CTTN: variants seen among roughly 807,000 people sequenced by gnomAD.
CTTN encodes src substrate cortactin.
In CTTN, 28 loss-of-function variants were observed where a neutral mutation model predicts 84.0. The observed-to-expected ratio is 0.33, with a 90% confidence interval of 0.25 to 0.46. The LOEUF (loss-of-function observed/expected upper bound fraction) is 0.46. Ranked by LOEUF, CTTN falls within the 20% of genes least tolerant of loss-of-function variation. The pLI is 1.00. For synonymous variants in CTTN, 301 were observed against 288.8 expected (o/e 1.04, Z -0.43); for missense variants, 641 against 723.8 (o/e 0.89, Z 1.31).
chr11:70,435,448 TTGAC>T lies in CTTN; in HGVS notation c.*289_*292del, dbSNP rs918634334. 2.0e-6 allele frequency: 3 copies of T among 1,512,850 alleles called. No individual in the cohort carries two copies. The highest frequency in any genetic ancestry group is 1.4e-5 in the African/African-American group (1 of 70,904). 93.7% of individuals were successfully genotyped at this position (1,512,850 alleles called of 1,614,324 possible). On this transcript the variant is annotated 3_prime_UTR_variant, in exon 18 of 18. Coordinates refer to ENST00000301843, the MANE Select transcript of CTTN (RefSeq NM_005231.4). ...GGTTTTTTTTTTCTTTTTTGCCAAA[TTGAC>T]TGTCACGCGGCAGCTTCAGGGAGCT...
At chr11:70,407,682 C>A in intron 4 of CTTN, 91 bp downstream of exon 4, 1 of 1,195,318 alleles carries the variant, frequency 8.4e-7, no homozygotes, top group Non-Finnish European at 1.2e-6. Context: ...GGAGGGACAG[C>A]CCGTGTGGAA....
Position 70,433,629 on chromosome 11 carries a change from G to T in CTTN, c.1445-18G>T. ...GTGGGACTTTGTATTGTTCAGCTCT[G>T]TCATGGCTTTCTTTTAGAGGACAGC... On this transcript the variant is annotated intron_variant, in intron 16 of 17. Coordinates refer to ENST00000301843, the MANE Select transcript of CTTN (RefSeq NM_005231.4). 6.3e-7 allele frequency: 1 copy of T among 1,584,000 alleles called. No individual in the cohort carries two copies. The highest frequency in any genetic ancestry group is 8.7e-7 in the Non-Finnish European group (1 of 1,152,960).
intron 7 of CTTN, 193 bp downstream of exon 7, chr11:70,415,910 G>A (rs1177629634): frequency 1.1e-5 from 7 of 612,578 alleles, no homozygotes; most frequent in Admixed American, 5.8e-5. Flanking sequence ...TGGATCATCT[G>A]GATACCACAT....
chr11:70,402,539 C>G (rs1184941346), intron 1 of CTTN, among the ~76,000 whole-genome samples: 1 of 152,236 alleles, frequency 6.6e-6, no homozygotes, highest in Non-Finnish European at 1.5e-5. Context: ...TCTTTTGTCT[C>G]TGTAGATTTG....
At chr11:70,416,571 A>G (rs889531929) in intron 7 of CTTN, among the ~76,000 whole-genome samples, 2 of 151,986 alleles carry the variant, frequency 1.3e-5, no homozygotes, top group Non-Finnish European at 2.9e-5. Context: ...AGCTGGGATT[A>G]CAGGTGTGTG....
At chr11:70,430,773 C>G (rs2058345775) in intron 14 of CTTN, among the ~76,000 whole-genome samples, 1 of 152,228 alleles carries the variant, frequency 6.6e-6, no homozygotes, top group African/African-American at 2.4e-5. Flanking sequence ...ACTCAGACTC[C>G]CAAATCTGTG....
intron 2 of CTTN, among the ~76,000 whole-genome samples, chr11:70,406,554 T>C (rs989841430): frequency 2.0e-5 from 3 of 152,334 alleles, no homozygotes; most frequent in Admixed American, 2.0e-4. Flanking sequence ...ATTTTATATT[T>C]TACCACTGCA....
intron 9 of CTTN, 120 bp from the exon 10 acceptor site, chr11:70,420,280 C>A: frequency 9.8e-6 from 7 of 711,130 alleles, no homozygotes; most frequent in Non-Finnish European, 1.3e-5. Context: ...TACCAAAGAT[C>A]CGGAAGGGAA....
At position 70,428,944 on chromosome 11, in the gene CTTN, G is replaced by A. The variant is rs2058326185; in HGVS notation, c.1028-107G>A. On this transcript the variant is annotated intron_variant, in intron 13 of 17. Coordinates refer to ENST00000301843, the MANE Select transcript of CTTN (RefSeq NM_005231.4). ...GAACCTTTCCCTCCTTGGGGGTTAG[G>A]GGGATGACCGGTTCCTGGGGAGGTC... is the stretch of plus-strand genomic sequence containing the variant. The A allele has an allele frequency of 2.9e-6, 4 of 1,372,658 alleles. No homozygotes were observed. The South Asian group carries it at 5.1e-5, about 18-fold the overall frequency. The allele number at this position is 1,372,658 out of a possible 1,614,324, so 85.0% of individuals were successfully genotyped here.
At chr11:70,414,074 G>A (rs545747642) in intron 5 of CTTN, among the ~76,000 whole-genome samples, 1 of 151,528 alleles carries the variant, frequency 6.6e-6, no homozygotes, top group African/African-American at 2.4e-5. Context: ...GGCTGGGCGC[G>A]GTGTCTCACG....
intron 15 of CTTN, 27 bp downstream of exon 15, chr11:70,431,307 C>G: frequency 1.2e-6 from 2 of 1,606,246 alleles, no homozygotes; most frequent in South Asian, 2.2e-5. Flanking sequence ...TTTGAATGAG[C>G]GTGAGTGACT....
chr11:70,421,685 G>T, intron 11 of CTTN, 105 bp downstream of exon 11: 1 of 767,506 alleles, frequency 1.3e-6, no homozygotes, highest in South Asian at 1.5e-5. Context: ...CAGTCCTCCT[G>T]TGTCACCACT....
intron 11 of CTTN, 55 bp from the exon 12 acceptor site, chr11:70,422,885 C>T: frequency 6.2e-7 from 1 of 1,613,028 alleles, no homozygotes; most frequent in Non-Finnish European, 8.5e-7. Context: ...CACCCACGGC[C>T]ACCCCCATGC....
chr11:70,435,240 T>C lies in CTTN; in HGVS notation c.*78T>C, dbSNP rs1007565993. The stretch of plus-strand genomic sequence containing the variant: ...GGCCTTCTTTGGTTCTTGGGTGGTT[T>C]TGGGTTTTTTCTGTTTTTTTTTTTT... On this transcript the variant is annotated 3_prime_UTR_variant, in exon 18 of 18. Coordinates refer to ENST00000301843, the MANE Select transcript of CTTN (RefSeq NM_005231.4). 4.9e-6 allele frequency: 7 copies of C among 1,424,054 alleles called. No individual in the cohort carries two copies. In the African/African-American group the frequency reaches 7.4e-5, roughly 15 times the overall value. 88.2% of individuals were successfully genotyped at this position (1,424,054 alleles called of 1,614,324 possible).
intron 1 of CTTN, among the ~76,000 whole-genome samples, chr11:70,403,293 G>A (rs61887439): frequency 0.2 from 26,750 of 136,966 alleles, 2,920 homozygotes; most frequent in African/African-American, 0.36. Flanking sequence ...GGTTCAAGCA[G>A]TTCTCCTGCT....
intron 14 of CTTN, 83 bp downstream of exon 14, chr11:70,429,282 C>T: frequency 6.8e-7 from 1 of 1,476,694 alleles, no homozygotes; most frequent in Non-Finnish European, 9.2e-7. Flanking sequence ...CTGGGCGGGG[C>T]TTATTCTCTC....
intron 5 of CTTN, among the ~76,000 whole-genome samples, chr11:70,413,723 C>G (rs2058122252): frequency 2.6e-5 from 4 of 152,202 alleles, no homozygotes; most frequent in Admixed American, 2.6e-4. Flanking sequence ...GCAGCTGGCT[C>G]CTGCCTGAAC....
intron 8 of CTTN, among the ~76,000 whole-genome samples, chr11:70,418,894 A>G (rs913302195): frequency 8.7e-5 from 13 of 149,414 alleles, no homozygotes; most frequent in African/African-American, 1.5e-4. Flanking sequence ...CTCCTGCCTC[A>G]GTCTCCTGAG....
intron 1 of CTTN, among the ~76,000 whole-genome samples, chr11:70,401,720 G>A (rs2057985187): frequency 6.6e-6 from 1 of 152,030 alleles, no homozygotes; most frequent in Admixed American, 6.6e-5. Flanking sequence ...TGTAGTCCTA[G>A]CTACTCGGGA....
Sources: allele counts gnomAD v4.1 joint callset (sites outside exome capture counted in the v4.1 genomes callset), GRCh38; gene constraint gnomAD v4.1.1; transcripts MANE v1.5; gene names NCBI Gene and HGNC (gene_info 2026-07-23, HGNC 2026-07-21).